CLPB: variants seen among roughly 807,000 people sequenced by gnomAD.
The protein encoded by CLPB is mitochondrial disaggregase.
In CLPB, 40 loss-of-function variants were observed where a neutral mutation model predicts 78.4. That is an observed-to-expected ratio of 0.51 (90% CI 0.40 to 0.66). CLPB has a LOEUF of 0.66. Ranked by LOEUF, CLPB falls within the 30% of genes least tolerant of loss-of-function variation. The pLI, the probability that CLPB is intolerant of heterozygous loss-of-function variation, is 0.00. For synonymous variants in CLPB, 333 were observed against 348.0 expected (o/e 0.96, Z 0.48); for missense variants, 780 against 886.9 (o/e 0.88, Z 1.53).
Position 72,358,428 on chromosome 11 carries a change from G to A in CLPB, c.775+452C>T, listed in dbSNP as rs538323366. On this transcript the variant is annotated intron_variant, in intron 5 of 15. Coordinates refer to ENST00000538039, the MANE Select transcript of CLPB (RefSeq NM_001258392.3). ...CAGAGTAATGAAAGGGGCCTGAGAC[G>A]GGGGTGGGACCAAAGAGGATGTCTT... Among the ~76,000 whole-genome samples the A allele has an allele frequency of 1.1e-4, 16 of 152,274 alleles. No homozygotes were observed. In the South Asian group the frequency reaches 1.7e-3, roughly 16 times the overall value.
intron 1 of CLPB, among the ~76,000 whole-genome samples, chr11:72,431,317 T>C (rs1038623435): frequency 5.3e-5 from 8 of 152,184 alleles, no homozygotes; most frequent in African/African-American, 1.9e-4. Context: ...GGCGGATTCA[T>C]AGCCAGCCCT....
At chr11:72,330,496 C>A (rs937212643) in intron 5 of CLPB, among the ~76,000 whole-genome samples, 3 of 152,240 alleles carry the variant, frequency 2.0e-5, no homozygotes, top group Non-Finnish European at 4.4e-5. Context: ...TCTCTAAGTA[C>A]TGGCAGCTGA....
At chr11:72,323,480 T>A (rs1391534698) in intron 6 of CLPB, among the ~76,000 whole-genome samples, 1 of 151,612 alleles carries the variant, frequency 6.6e-6, no homozygotes, top group Admixed American at 6.6e-5. Context: ...GGCAGGAGAA[T>A]TGCTTGAACC....
intron 4 of CLPB, among the ~76,000 whole-genome samples, chr11:72,367,450 T>C (rs1162217627): frequency 6.6e-6 from 1 of 152,140 alleles, no homozygotes; most frequent in Non-Finnish European, 1.5e-5. Flanking sequence ...AGGCATGAGC[T>C]GTGTCCAGCC....
At chr11:72,408,216 T>G in intron 2 of CLPB, 1 of 1,530,392 alleles carries the variant, frequency 6.5e-7, no homozygotes, top group Non-Finnish European at 8.8e-7. Context: ...TGAGGTATAA[T>G]GGAAAAAAAG....
chr11:72,382,673 G>A (rs1434146025), intron 3 of CLPB, among the ~76,000 whole-genome samples: 1 of 152,178 alleles, frequency 6.6e-6, no homozygotes, highest in Non-Finnish European at 1.5e-5. Context: ...AACCACACAA[G>A]ATGGCCTGCC....
chr11:72,293,503 C>CT lies in CLPB; in HGVS notation c.1897dup (p.Ser633LysfsTer10), dbSNP rs1391788783. The CT allele has an allele frequency of 6.2e-7, 1 of 1,614,058 alleles. No individual in the cohort carries two copies. The highest frequency in any genetic ancestry group is 8.5e-7 in the Non-Finnish European group (1 of 1,180,042). On this transcript the variant is annotated frameshift_variant, in exon 16 of 16. Transcript: ENST00000538039. LOFTEE classifies it high-confidence loss of function. Reference sequence around the variant, plus strand: ...AGCCTGGGGTGAGGGCAGTTCTGGGCTTTTGAGTAGCTGCTTGTCTGAGTC... The same window carrying CT: ...AGCCTGGGGTGAGGGCAGTTCTGGGCTTTTTGAGTAGCTGCTTGTCTGAGTC...
intron 5 of CLPB, among the ~76,000 whole-genome samples, chr11:72,340,942 C>G (rs1388163195): frequency 6.6e-6 from 1 of 152,176 alleles, no homozygotes; most frequent in Non-Finnish European, 1.5e-5. Flanking sequence ...GCTCCATCTC[C>G]TGGGTTCACG....
At chr11:72,360,002 T>C (rs1950804386) in intron 4 of CLPB, among the ~76,000 whole-genome samples, 1 of 152,232 alleles carries the variant, frequency 6.6e-6, no homozygotes, top group Non-Finnish European at 1.5e-5. Flanking sequence ...TCTGCTGTTA[T>C]AGACAGTTCC....
chr11:72,374,049 G>A (rs1156703573), intron 4 of CLPB, among the ~76,000 whole-genome samples: 1 of 151,832 alleles, frequency 6.6e-6, no homozygotes, highest in Non-Finnish European at 1.5e-5. Flanking sequence ...GCTGACAGGG[G>A]CACCGGAGGC....
At chr11:72,341,895 G>A (rs1408444811) in intron 5 of CLPB, among the ~76,000 whole-genome samples, 1 of 152,214 alleles carries the variant, frequency 6.6e-6, no homozygotes, top group African/African-American at 2.4e-5. Context: ...TTTGTGAGAT[G>A]GAGGCTGGTT....
intron 2 of CLPB, among the ~76,000 whole-genome samples, chr11:72,404,030 C>G (rs1197572819): frequency 6.6e-6 from 1 of 152,094 alleles, no homozygotes; most frequent in African/African-American, 2.4e-5. Flanking sequence ...AAATGACTTC[C>G]TTAAGGTCAC....
chr11:72,363,417 C>G (rs1158355886), intron 4 of CLPB: 1 of 152,212 alleles, frequency 6.6e-6, no homozygotes, highest in African/African-American at 2.4e-5. Context: ...CCCTCTCGGC[C>G]TCTACTGGCC....
At chr11:72,397,593 G>C (rs1855444991) in intron 3 of CLPB, among the ~76,000 whole-genome samples, 1 of 152,032 alleles carries the variant, frequency 6.6e-6, no homozygotes, top group African/African-American at 2.4e-5. Flanking sequence ...ATCTCATTGT[G>C]ACTTGAATTT....
chr11:72,387,918 C>G (rs1590881284), intron 3 of CLPB, among the ~76,000 whole-genome samples: 1 of 152,182 alleles, frequency 6.6e-6, no homozygotes, highest in Admixed American at 6.5e-5. Context: ...AATCACCATT[C>G]AATCACACCC....
intron 4 of CLPB, chr11:72,359,284 G>A: frequency 3.5e-6 from 2 of 571,502 alleles, no homozygotes; most frequent in Non-Finnish European, 6.6e-6. Context: ...ACTGACAAGG[G>A]AGGCAGACAA....
intron 5 of CLPB, among the ~76,000 whole-genome samples, chr11:72,334,754 A>G (rs999256618): frequency 1.1e-4 from 17 of 152,188 alleles, no homozygotes; most frequent in African/African-American, 4.1e-4. Flanking sequence ...GGAGGTGGGG[A>G]ATGCTAATCG....
intron 8 of CLPB, among the ~76,000 whole-genome samples, chr11:72,307,517 A>C (rs1161592024): frequency 2.0e-5 from 3 of 152,174 alleles, no homozygotes; most frequent in African/African-American, 7.2e-5. Flanking sequence ...CCTAAGAGTG[A>C]CAGGCTGACT....
At position 72,418,647 on chromosome 11, in the gene CLPB, G is replaced by A. The variant is rs184969529; in HGVS notation, c.455+11665C>T. 1.5e-4 allele frequency among the ~76,000 whole-genome samples: 23 copies of A among 152,160 alleles called. No individual in the cohort carries two copies. In the East Asian group the frequency reaches 3.9e-3, roughly 26 times the overall value. ...TGAGGCGGGAGGATCACGAGGTCAGGAGTTCAAGACCAGCCTGGCCAACAT... is the reference window on the plus strand; with the variant it reads ...TGAGGCGGGAGGATCACGAGGTCAGAAGTTCAAGACCAGCCTGGCCAACAT... On this transcript the variant is annotated intron_variant, in intron 2 of 15. Coordinates refer to ENST00000538039, the MANE Select transcript of CLPB (RefSeq NM_001258392.3).
Sources: gnomAD v4.1 joint callset for allele counts (sites outside exome capture counted in the v4.1 genomes callset) on GRCh38, gnomAD v4.1.1 for gene constraint, MANE v1.5 for transcripts, NCBI Gene and HGNC (gene_info 2026-07-23, HGNC 2026-07-21) for gene names.